Variants in PPAT observed in about 807,000 individuals in gnomAD.
The protein encoded by PPAT is phosphoribosyl pyrophosphate amidotransferase, also known as amidophosphoribosyltransferase.
Under a neutral mutation model 60.2 loss-of-function variants are expected in PPAT, and 20 were observed. The observed-to-expected ratio is 0.33, with a 90% confidence interval of 0.23 to 0.48. The LOEUF is 0.48. PPAT is among the 20% of genes least tolerant of loss of function. PPAT has a pLI of 0.99. For missense variants in PPAT, 349 were observed against 629.6 expected (o/e 0.55, Z 4.77); for synonymous variants, 194 against 215.1 (o/e 0.90, Z 0.86).
Position 56,395,306 on chromosome 4 carries a change from T to C in PPAT, c.*46A>G, listed in dbSNP as rs965977846. On this transcript the variant is annotated 3_prime_UTR_variant, in exon 11 of 11. Transcript: ENST00000264220. Reference sequence around the variant, plus strand: ...GATGAGGTGTGACCACTATAACTTCTTGACCAACTTTCTATCTTGAAACTA... The same window carrying C: ...GATGAGGTGTGACCACTATAACTTCCTGACCAACTTTCTATCTTGAAACTA... 3.3e-6 allele frequency: 5 copies of C among 1,524,122 alleles called. No individual in the cohort carries two copies. The highest frequency in any genetic ancestry group is 2.4e-5 in the East Asian group (1 of 42,190). The allele number at this position is 1,524,122 out of a possible 1,614,324, so 94.4% of individuals were successfully genotyped here. A position where few individuals can be genotyped will look rare whatever the true frequency, so the allele number is the denominator to read the frequency against.
intron 2 of PPAT, 27 bp downstream of exon 2, chr4:56,407,623 T>C (rs1300886620): frequency 6.4e-7 from 1 of 1,564,156 alleles, no homozygotes; most frequent in Non-Finnish European, 8.8e-7. Context: ...TGGTCTGTCA[T>C]CAACATTTCT....
At position 56,393,499 on chromosome 4, in the gene PPAT, T is replaced by G. The variant is rs565445785; in HGVS notation, c.*1853A>C. 2.6e-5 allele frequency: 4 copies of G among 151,552 alleles called. No homozygotes were observed. Among genetic ancestry groups the G allele is most frequent in the Middle Eastern group, 3.4e-3 (1 of 292 alleles). 9.4% of individuals were successfully genotyped at this position (151,552 alleles called of 1,614,324 possible). ...TGCAGTTTATAATACTCTACGTATA[T>G]GAATTTAAAGCAGTTAAACAACATT... On this transcript the variant is annotated 3_prime_UTR_variant, in exon 11 of 11. Coordinates refer to ENST00000264220, the MANE Select transcript of PPAT (RefSeq NM_002703.5).
intron 1 of PPAT, among the ~76,000 whole-genome samples, chr4:56,413,094 T>C: frequency 6.6e-6 from 1 of 152,246 alleles, no homozygotes; most frequent in African/African-American, 2.4e-5. Context: ...AAAGTACTGA[T>C]TCAGGAGGAT....
At chr4:56,431,365 A>T in intron 1 of PPAT, 1 of 752,790 alleles carries the variant, frequency 1.3e-6, no homozygotes, top group African/African-American at 1.9e-5. Context: ...GACTGAGTGC[A>T]TCTCTCATTC....
At chr4:56,425,478 C>T (rs950486908) in intron 1 of PPAT, 4 of 533,774 alleles carry the variant, frequency 7.5e-6, no homozygotes, top group Non-Finnish European at 9.6e-6. Flanking sequence ...ATCTTAAATA[C>T]AGGCAACTTG....
intron 1 of PPAT, chr4:56,422,166 C>G (rs1275664654): frequency 6.6e-6 from 1 of 152,004 alleles, no homozygotes; most frequent in Admixed American, 6.6e-5. Context: ...CCCAGCTACT[C>G]GGGAGGCTGA....
rs749731199 is a variant in PPAT at position 56,399,213 on chromosome 4, A to G, written c.1202T>C (p.Ile401Thr). 1 of 1,613,584 alleles carries G rather than the reference A, an allele frequency of 6.2e-7. No individual in the cohort carries two copies. Among genetic ancestry groups the G allele is most frequent in the Admixed American group, 1.7e-5 (1 of 60,018 alleles). ...ACCAGATTCTTTGAGCAGTTTTATT[A>G]TAGGTGAGATGGTATTGCCTCTGAC... Reference protein sequence around the residue: ...SIVRGNTISPIIKLLKESGAK... With the variant: ...SIVRGNTISPTIKLLKESGAK... The change falls in exon 9 of 11, where the codon ATA (isoleucine) becomes ACA (threonine). Residue 401 changes from isoleucine to threonine, a missense_variant. Physicochemically the swap from Ile to Thr is moderately conservative, Grantham distance 89. Around this residue, in one of 5 missense-constraint regions of PPAT, gnomAD observed 167 missense variants for 328.6 expected, o/e 0.51. Transcript: ENST00000264220.
At chr4:56,404,623 T>C (rs1168213218) in intron 3 of PPAT, among the ~76,000 whole-genome samples, 1 of 152,230 alleles carries the variant, frequency 6.6e-6, no homozygotes, top group East Asian at 1.9e-4. Flanking sequence ...AGTTAGTGGT[T>C]ATCTCTAAGT....
chr4:56,423,198 T>A, intron 1 of PPAT: 1 of 152,386 alleles, frequency 6.6e-6, no homozygotes, highest in South Asian at 2.1e-4. Flanking sequence ...TAAAGCTCAA[T>A]GTTAATTTAA....
intron 1 of PPAT, chr4:56,419,913 A>G (rs1279764158): frequency 3.0e-6 from 3 of 984,380 alleles, no homozygotes; most frequent in South Asian, 4.7e-5. Flanking sequence ...AGGCATGACT[A>G]AGAGTATGAA....
Position 56,395,554 on chromosome 4 carries a change from G to GA in PPAT, c.1358-7dup. The GA allele has an allele frequency of 6.7e-7, 1 of 1,503,304 alleles. No homozygotes were observed. Among genetic ancestry groups the GA allele is most frequent in the African/African-American group, 1.5e-5 (1 of 68,748 alleles). The allele number at this position is 1,503,304 out of a possible 1,614,324, so 93.1% of individuals were successfully genotyped here. A position where few individuals can be genotyped will look rare whatever the true frequency, so the allele number is the denominator to read the frequency against. On this transcript the variant is annotated splice_region_variant and splice_polypyrimidine_tract_variant and intron_variant, in intron 10 of 10. Transcript: ENST00000264220. ...ATACACAACACTGTTTGCTCCTAAA[G>GA]AAAGAGGGAAAAATAAAAATGTAAT...
chr4:56,397,122 G>A (rs1405042974), intron 9 of PPAT, among the ~76,000 whole-genome samples: 3 of 146,634 alleles, frequency 2.0e-5, no homozygotes, highest in South Asian at 2.2e-4. Context: ...CATCAGGTAC[G>A]TTTACATGGC....
At chr4:56,432,981 C>T (rs1474178) in intron 1 of PPAT, among the ~76,000 whole-genome samples, 99,173 of 149,014 alleles carry the variant, frequency 0.67, 33,003 homozygotes, top group South Asian at 0.76. Flanking sequence ...TACATATATA[C>T]ATACACACAC....
chr4:56,412,092 A>G (rs998719324), intron 1 of PPAT, among the ~76,000 whole-genome samples: 5 of 152,164 alleles, frequency 3.3e-5, no homozygotes, highest in African/African-American at 1.2e-4. Flanking sequence ...TTAGCTTCTG[A>G]AAGTCCCCGA....
intron 1 of PPAT, chr4:56,423,572 C>T (rs1717144825): frequency 6.6e-6 from 1 of 152,020 alleles, no homozygotes; most frequent in Non-Finnish European, 1.5e-5. Context: ...AAGATTTTAG[C>T]TTGTTAGTCC....
At chr4:56,409,574 C>A (rs1381037131) in intron 1 of PPAT, among the ~76,000 whole-genome samples, 1 of 152,104 alleles carries the variant, frequency 6.6e-6, no homozygotes, top group East Asian at 1.9e-4. Flanking sequence ...AGAAAAAAGC[C>A]AAAATCTAGA....
intron 9 of PPAT, 130 bp downstream of exon 9, chr4:56,399,049 A>G (rs1466030602): frequency 1.3e-6 from 1 of 752,398 alleles, no homozygotes; most frequent in African/African-American, 1.8e-5. Flanking sequence ...AGTTATTCCT[A>G]AACCAAACTG....
At chr4:56,417,522 C>T (rs1716820356) in intron 1 of PPAT, among the ~76,000 whole-genome samples, 1 of 152,166 alleles carries the variant, frequency 6.6e-6, no homozygotes, top group Non-Finnish European at 1.5e-5. Context: ...TGACTCACAC[C>T]TGTAACCCCA....
intron 1 of PPAT, among the ~76,000 whole-genome samples, chr4:56,430,199 G>C (rs184600120): frequency 6.6e-6 from 1 of 152,014 alleles, no homozygotes; most frequent in African/African-American, 2.4e-5. Context: ...TTGAAAAATT[G>C]CATGTCTCTC....
Sources: gnomAD v4.1 joint callset for allele counts (sites outside exome capture counted in the v4.1 genomes callset) on GRCh38, gnomAD v4.1.1 for gene constraint, gnomAD v4.1.1 regional missense constraint, MANE v1.5 for transcripts, NCBI Gene and HGNC (gene_info 2026-07-23, HGNC 2026-07-21) for gene names.